Variants in MGAT4C observed in about 807,000 individuals in gnomAD.
The protein encoded by MGAT4C is MGAT4 family member C, also known as alpha-1,3-mannosyl-glycoprotein 4-beta-N-acetylglucosaminyltransferase C.
Under a neutral mutation model 40.1 loss-of-function variants are expected in MGAT4C, and 19 were observed. The ratio of observed to expected loss-of-function variants is 0.47; its 90% CI spans 0.33 to 0.70. The LOEUF is 0.70. Among genes scored for constraint, MGAT4C ranks in the 30% least tolerant of loss-of-function variants. The pLI is 0.02. For synonymous variants in MGAT4C, 181 were observed against 187.1 expected, an observed-to-expected ratio of 0.97 and a Z score of 0.27; for missense variants, 491 against 563.2, an observed-to-expected ratio of 0.87 and a Z score of 1.30.
intron 1 of MGAT4C, among the ~76,000 whole-genome samples, chr12:86,760,749 T>G (rs1173969617): frequency 6.6e-6 from 1 of 152,104 alleles, no homozygotes; most frequent in Non-Finnish European, 1.5e-5. Flanking sequence ...TAAAAAGACT[T>G]TGCTGAGAGT....
chr12:86,398,522 A>G (rs571040465), intron 3 of MGAT4C, among the ~76,000 whole-genome samples: 1 of 152,204 alleles, frequency 6.6e-6, no homozygotes, highest in East Asian at 1.9e-4. Flanking sequence ...GTATACATGT[A>G]TACCATATAT....
At chr12:86,040,949 T>C (rs1002967095) in intron 2 of MGAT4C, among the ~76,000 whole-genome samples, 8 of 152,238 alleles carry the variant, frequency 5.3e-5, no homozygotes, top group Middle Eastern at 3.4e-3. Context: ...CCCCGAGCCC[T>C]TGTGCTTCCC....
intron 1 of MGAT4C, among the ~76,000 whole-genome samples, chr12:86,122,762 T>A (rs1879593294): frequency 6.7e-6 from 1 of 150,314 alleles, no homozygotes; most frequent in Non-Finnish European, 1.5e-5. Context: ...AAAGTTCTTT[T>A]AATGTGTGTG....
chr12:86,651,915 A>G (rs1341230406), intron 2 of MGAT4C, among the ~76,000 whole-genome samples: 6 of 151,848 alleles, frequency 4.0e-5, no homozygotes, highest in Non-Finnish European at 7.4e-5. Flanking sequence ...ATCAAGTCAA[A>G]TTTACAAGAT....
At chr12:86,588,356 T>G (rs994695978) in intron 2 of MGAT4C, among the ~76,000 whole-genome samples, 3 of 151,908 alleles carry the variant, frequency 2.0e-5, no homozygotes, top group Non-Finnish European at 2.9e-5. Flanking sequence ...GAGCTAACTA[T>G]CCTAAATATA....
At chr12:86,665,288 T>C (rs1465394362) in intron 2 of MGAT4C, among the ~76,000 whole-genome samples, 4 of 152,226 alleles carry the variant, frequency 2.6e-5, no homozygotes, top group African/African-American at 9.6e-5. Flanking sequence ...TTTTCTTCTC[T>C]ACAATTTTCT....
intron 4 of MGAT4C, among the ~76,000 whole-genome samples, chr12:86,306,045 A>G (rs1300652452): frequency 6.6e-6 from 1 of 150,650 alleles, no homozygotes; most frequent in African/African-American, 2.5e-5. Flanking sequence ...ACATATTGCA[A>G]GAAAGGTTGA....
At chr12:86,026,375 C>T (rs1363343256) in intron 2 of MGAT4C, among the ~76,000 whole-genome samples, 1 of 151,422 alleles carries the variant, frequency 6.6e-6, no homozygotes, top group Non-Finnish European at 1.5e-5. Context: ...ACACACACAC[C>T]TATTTAAAAA....
At chr12:86,518,713 G>A (rs1473055717) in intron 2 of MGAT4C, among the ~76,000 whole-genome samples, 9 of 152,046 alleles carry the variant, frequency 5.9e-5, no homozygotes, top group Admixed American at 4.6e-4. Context: ...AAGTATAATT[G>A]CTCAAAAAGA....
intron 1 of MGAT4C, among the ~76,000 whole-genome samples, chr12:86,114,081 G>C (rs2135656082): frequency 6.6e-6 from 1 of 151,914 alleles, no homozygotes; most frequent in African/African-American, 2.4e-5. Context: ...ACTAACTTCT[G>C]TAAGTATTTT....
chr12:86,555,923 G>A (rs1179001460), intron 2 of MGAT4C, among the ~76,000 whole-genome samples: 2 of 152,052 alleles, frequency 1.3e-5, no homozygotes, highest in Non-Finnish European at 2.9e-5. Context: ...ACCTGGTGTT[G>A]GGTCTGATCA....
At chr12:86,768,088 C>T (rs1951549853) in intron 1 of MGAT4C, among the ~76,000 whole-genome samples, 2 of 152,136 alleles carry the variant, frequency 1.3e-5, no homozygotes, top group Admixed American at 6.6e-5. Context: ...TCCCTGTTTG[C>T]AGATGACATG....
In MGAT4C at chr12:86,293,318, G is replaced by T. The variant is rs1209281331; in HGVS notation, c.-57+40747C>A. On this transcript the variant is annotated intron_variant, in intron 4 of 7. Coordinates refer to the MGAT4C transcript ENST00000548651. Reference sequence around the variant, plus strand: ...ACAGAGTCAATAGTGAGTCTCCTAAGCCCTTTTTCTACCAAATATTGCTGA... The same window carrying T: ...ACAGAGTCAATAGTGAGTCTCCTAATCCCTTTTTCTACCAAATATTGCTGA... 2.6e-5 allele frequency among the ~76,000 whole-genome samples: 4 copies of T among 152,184 alleles called. No individual in the cohort carries two copies. In the East Asian group the frequency reaches 5.8e-4, roughly 22 times the overall value.
intron 2 of MGAT4C, chr12:86,028,072 A>G (rs1458599651): frequency 1.1e-5 from 13 of 1,214,738 alleles, no homozygotes; most frequent in Non-Finnish European, 1.4e-5. Flanking sequence ...ATGCTGTTAA[A>G]TCTTCCATCA....
At chr12:86,737,014 TAA>T (rs11341650) in intron 1 of MGAT4C, among the ~76,000 whole-genome samples, 6,932 of 129,724 alleles carry the variant, frequency 0.053, 186 homozygotes, top group African/African-American at 0.06. Context: ...TGCAATTCTA[TAA>T]AAAAAAAAAA....
chr12:86,694,572 A>G (rs1273847169), intron 2 of MGAT4C, among the ~76,000 whole-genome samples: 2 of 152,186 alleles, frequency 1.3e-5, no homozygotes, highest in Non-Finnish European at 2.9e-5. Flanking sequence ...AATGAGATAT[A>G]TCTTTCAGAA....
chr12:86,166,162 CA>C (rs1886167441), intron 1 of MGAT4C, among the ~76,000 whole-genome samples: 1 of 151,888 alleles, frequency 6.6e-6, no homozygotes, highest in Non-Finnish European at 1.5e-5. Context: ...ACAAGTAGAC[CA>C]CATATATAGA....
At chr12:86,484,816 C>A (rs1244154839) in intron 2 of MGAT4C, among the ~76,000 whole-genome samples, 1 of 152,136 alleles carries the variant, frequency 6.6e-6, no homozygotes, top group African/African-American at 2.4e-5. Flanking sequence ...AGAGGAGGCT[C>A]CCCCAAGGCC....
At chr12:86,213,663 C>T (rs1015808948) in intron 1 of MGAT4C, among the ~76,000 whole-genome samples, 5 of 152,028 alleles carry the variant, frequency 3.3e-5, no homozygotes. Flanking sequence ...GCATGCTAGC[C>T]ATTTTTATAT....
Sources: gnomAD v4.1 joint callset for allele counts (sites outside exome capture counted in the v4.1 genomes callset) on GRCh38, gnomAD v4.1.1 for gene constraint, MANE v1.5 for transcripts, NCBI Gene and HGNC (gene_info 2026-07-23, HGNC 2026-07-21) for gene names.